FHIT: variants seen among roughly 807,000 people sequenced by gnomAD.
FHIT encodes the protein bis(5'-adenosyl)-triphosphatase.
In FHIT, 19 loss-of-function variants were observed where a neutral mutation model predicts 17.9. The observed-to-expected ratio is 1.06, with a 90% CI of 0.74 to 1.56. The LOEUF (loss-of-function observed/expected upper bound fraction) is 1.56. Among genes scored for constraint, FHIT ranks in the 40% most tolerant of loss-of-function variants. FHIT has a pLI of 0.00. For synonymous variants in FHIT, 81 were observed against 69.7 expected, an observed-to-expected ratio of 1.16 and a Z score of -0.81; for missense variants, 248 against 189.2, an observed-to-expected ratio of 1.31 and a Z score of -1.82.
chr3:60,690,324 C>T, intron 4 of FHIT: 1 of 566,578 alleles, frequency 1.8e-6, no homozygotes, highest in Non-Finnish European at 3.5e-6. Context: ...TGCCTTCTTT[C>T]ACCCTGCCAA....
chr3:60,631,798 T>C (rs1553682490), intron 4 of FHIT, among the ~76,000 whole-genome samples: 1 of 152,148 alleles, frequency 6.6e-6, no homozygotes, highest in East Asian at 1.9e-4. Flanking sequence ...ACCATCTTAA[T>C]GCTATTTTAA....
At chr3:60,156,927 A>C (rs1700723762) in intron 5 of FHIT, among the ~76,000 whole-genome samples, 1 of 152,082 alleles carries the variant, frequency 6.6e-6, no homozygotes, top group Admixed American at 6.5e-5. Context: ...TACTTCTTCC[A>C]TATGTAGTTA....
Position 59,809,977 on chromosome 3 carries a change from G to C in FHIT, c.349-57656C>G, listed in dbSNP as rs1440787265. 2.6e-5 allele frequency among the ~76,000 whole-genome samples: 4 copies of C among 152,036 alleles called. No individual in the cohort carries two copies. The East Asian group carries it at 7.7e-4, about 29-fold the overall frequency. ...TGGGATCCCTCTGGTGGTTACTAGG[G>C]GATACGTCAGTTTTGAGAGATTGGA... is the stretch of plus-strand genomic sequence containing the variant. On this transcript the variant is annotated intron_variant, in intron 8 of 9. Transcript: ENST00000492590.
intron 4 of FHIT, among the ~76,000 whole-genome samples, chr3:60,599,401 G>A (rs374164319): frequency 1.3e-5 from 2 of 152,264 alleles, no homozygotes; most frequent in East Asian, 3.9e-4. Context: ...GTTCTTACCA[G>A]TGAGTTTTGC....
chr3:60,905,312 A>T (rs879993024), intron 3 of FHIT, among the ~76,000 whole-genome samples: 2 of 152,202 alleles, frequency 1.3e-5, no homozygotes, highest in Non-Finnish European at 2.9e-5. Flanking sequence ...TAGCAAACAG[A>T]GTGTAGAGCA....
At chr3:60,854,729 G>T (rs1406769683) in intron 3 of FHIT, among the ~76,000 whole-genome samples, 1 of 152,078 alleles carries the variant, frequency 6.6e-6, no homozygotes, top group East Asian at 1.9e-4. Context: ...TTTCCAGAAA[G>T]TTCCATCCAG....
intron 8 of FHIT, among the ~76,000 whole-genome samples, chr3:59,915,035 A>G (rs1327554364): frequency 2.0e-5 from 3 of 152,196 alleles, no homozygotes; most frequent in Non-Finnish European, 4.4e-5. Context: ...TTATTCAAGC[A>G]CTGTAGTTAA....
At chr3:60,531,171 G>A (rs1162209626) in intron 5 of FHIT, among the ~76,000 whole-genome samples, 1 of 151,870 alleles carries the variant, frequency 6.6e-6, no homozygotes, top group Non-Finnish European at 1.5e-5. Context: ...GACAAGACAT[G>A]TGCTTAGGGA....
chr3:61,142,114 TAAA>T (rs71629119), intron 2 of FHIT, among the ~76,000 whole-genome samples: 16,402 of 150,608 alleles, frequency 0.11, 1,261 homozygotes, highest in Non-Finnish European at 0.12. Flanking sequence ...TGCTTTCTCT[TAAA>T]AAAAATTTTT....
chr3:60,351,150 T>A (rs11130767), intron 5 of FHIT, among the ~76,000 whole-genome samples: 12,837 of 152,254 alleles, frequency 0.084, 794 homozygotes, highest in East Asian at 0.24. Context: ...TAAAGGTGTG[T>A]TATCTTAGCA....
chr3:59,972,252 G>T (rs1341613200), intron 7 of FHIT, among the ~76,000 whole-genome samples: 2 of 152,068 alleles, frequency 1.3e-5, no homozygotes, highest in African/African-American at 4.8e-5. Flanking sequence ...ATATTCAAGA[G>T]GCTTGATAAG....
intron 5 of FHIT, among the ~76,000 whole-genome samples, chr3:60,035,163 A>T (rs1171825147): frequency 6.6e-6 from 1 of 152,214 alleles, no homozygotes; most frequent in Admixed American, 6.5e-5. Context: ...TATACATCAG[A>T]TAGTGCACTA....
chr3:60,911,901 C>T (rs183514026), intron 3 of FHIT, among the ~76,000 whole-genome samples: 5 of 152,120 alleles, frequency 3.3e-5, no homozygotes, highest in South Asian at 2.1e-4. Flanking sequence ...AAAGAATAAC[C>T]GATATTTATT....
At position 60,237,591 on chromosome 3, in the gene FHIT, C is replaced by G. The variant is rs367603385; in HGVS notation, c.104-223439G>C. Among the ~76,000 whole-genome samples the G allele has an allele frequency of 4.6e-5, 7 of 152,224 alleles. No individual in the cohort carries two copies. In the East Asian group the frequency reaches 1.2e-3, roughly 25 times the overall value. On this transcript the variant is annotated intron_variant, in intron 5 of 9. Transcript: ENST00000492590. The stretch of plus-strand genomic sequence containing the variant: ...TTTATTCCTGTTTTATGTTTGACCA[C>G]AGTGAGGCAGGCCACCCAAGATCAC...
At chr3:59,766,244 A>C (rs939504972) in intron 8 of FHIT, among the ~76,000 whole-genome samples, 5 of 152,238 alleles carry the variant, frequency 3.3e-5, no homozygotes, top group African/African-American at 1.2e-4. Context: ...CTATGATGGA[A>C]AACAAAGAGA....
intron 5 of FHIT, among the ~76,000 whole-genome samples, chr3:60,448,517 C>T (rs368553): frequency 0.43 from 64,855 of 151,606 alleles, 16,629 homozygotes; most frequent in African/African-American, 0.72. Flanking sequence ...AATTAAATAC[C>T]GTCATAATCC....
chr3:60,545,320 T>C (rs574641932), intron 4 of FHIT, among the ~76,000 whole-genome samples: 6 of 152,320 alleles, frequency 3.9e-5, no homozygotes, highest in African/African-American at 1.4e-4. Flanking sequence ...GAACTTCTGG[T>C]TCTTTGGCTT....
At chr3:59,830,965 G>T (rs571740578) in intron 8 of FHIT, among the ~76,000 whole-genome samples, 1 of 152,290 alleles carries the variant, frequency 6.6e-6, no homozygotes, top group South Asian at 2.1e-4. Context: ...TGGTATTTAA[G>T]ACCAGGCATT....
intron 7 of FHIT, among the ~76,000 whole-genome samples, chr3:59,950,810 G>C (rs899597180): frequency 2.0e-5 from 3 of 152,138 alleles, no homozygotes; most frequent in East Asian, 1.9e-4. Flanking sequence ...ATCCAACGTT[G>C]AGAGCCATCA....
Sources: allele counts gnomAD v4.1 joint callset (sites outside exome capture counted in the v4.1 genomes callset), GRCh38; gene constraint gnomAD v4.1.1; transcripts MANE v1.5; gene names NCBI Gene and HGNC (gene_info 2026-07-23, HGNC 2026-07-21).